The following LRCH1 variants were observed in gnomAD, a reference collection of about 807,000 sequenced individuals.
The protein encoded by LRCH1 is leucine rich repeats and calponin homology domain containing 1.
A neutral mutation model predicts 94.9 loss-of-function variants in LRCH1; 23 were observed. The observed-to-expected ratio is 0.24, with a 90% confidence interval of 0.17 to 0.34. LRCH1 has a LOEUF of 0.34. LRCH1 is among the 10% of genes least tolerant of loss of function. LRCH1 has a pLI of 1.00. For missense variants in LRCH1, 790 were observed against 945.9 expected, an observed-to-expected ratio of 0.84 and a Z score of 2.16; for synonymous variants, 364 against 354.9, an observed-to-expected ratio of 1.03 and a Z score of -0.29.
chr13:46,600,612 C>G (rs541512033), intron 1 of LRCH1, among the ~76,000 whole-genome samples: 7 of 120,900 alleles, frequency 5.8e-5, no homozygotes, highest in African/African-American at 2.4e-4. Flanking sequence ...ACATCCTGAC[C>G]AGATTTACAC....
intron 1 of LRCH1, among the ~76,000 whole-genome samples, chr13:46,595,852 G>T (rs2050555309): frequency 7.0e-6 from 1 of 143,498 alleles, no homozygotes; most frequent in Non-Finnish European, 1.5e-5. Flanking sequence ...GGAATCCAAA[G>T]CACGGCCTCA....
Position 46,553,580 on chromosome 13 carries a change from G to T in LRCH1, c.184G>T (p.Gly62Cys), listed in dbSNP as rs1418471352. The change falls in exon 1 of 20, where the codon GGT becomes TGT. Residue 62 changes from glycine (G) to cysteine (C), a missense_variant. By Grantham distance (159) the Gly-to-Cys change is radical. Transcript: ENST00000389797. ...SGGFNLPLNR[G>C]LERALEEAAN... is the part of the protein sequence containing the mutation. ...GGGCTTCAACCTGCCCTTGAACCGGGGTCTGGAGCGCGCGCTTGAGGAGGC... is the reference window on the plus strand; with the variant it reads ...GGGCTTCAACCTGCCCTTGAACCGGTGTCTGGAGCGCGCGCTTGAGGAGGC... 2 of 1,552,588 alleles carry T rather than the reference G, an allele frequency of 1.3e-6. No individual in the cohort carries two copies. The highest frequency in any genetic ancestry group is 1.4e-5 in the African/African-American group (1 of 73,088).
At chr13:46,728,703 ATAAT>A (rs1872950042) in intron 17 of LRCH1, 140 bp from the exon 18 acceptor site, 1 of 764,198 alleles carries the variant, frequency 1.3e-6, no homozygotes, top group Non-Finnish European at 1.9e-6. Flanking sequence ...AAAGAGTTAA[ATAAT>A]GTCAGTGTTT....
intron 1 of LRCH1, among the ~76,000 whole-genome samples, chr13:46,597,620 G>C (rs7330453): frequency 1.3e-5 from 2 of 151,952 alleles, no homozygotes; most frequent in African/African-American, 4.8e-5. Context: ...GCCTCCCAAA[G>C]TGCTGGGATT....
At chr13:46,582,370 CTTTTTTTTTTTT>C (rs10686269) in intron 1 of LRCH1, among the ~76,000 whole-genome samples, 41 of 79,592 alleles carry the variant, frequency 5.2e-4, no homozygotes, top group Non-Finnish European at 6.6e-4. Flanking sequence ...TTGCTCTCAT[CTTTTTTTTTTTT>C]TTTTTTTTTT....
intron 13 of LRCH1, among the ~76,000 whole-genome samples, chr13:46,710,134 T>A (rs1871982654): frequency 6.6e-6 from 1 of 152,076 alleles, no homozygotes; most frequent in Non-Finnish European, 1.5e-5. Context: ...TTTAGTGAAT[T>A]TTTTTTTAAT....
chr13:46,734,821 A>G (rs892348270), intron 19 of LRCH1, among the ~76,000 whole-genome samples: 5 of 152,212 alleles, frequency 3.3e-5, no homozygotes, highest in African/African-American at 1.2e-4. Flanking sequence ...CTTCTTTCTT[A>G]ATGCCCCAGG....
At chr13:46,723,169 C>T in intron 16 of LRCH1, 52 bp from the exon 17 acceptor site, 1 of 920,860 alleles carries the variant, frequency 1.1e-6, no homozygotes. Flanking sequence ...ATATGAATAG[C>T]CCTATGTGAC....
At chr13:46,703,550 G>A (rs923178124) in intron 11 of LRCH1, among the ~76,000 whole-genome samples, 14 of 152,254 alleles carry the variant, frequency 9.2e-5, no homozygotes, top group Non-Finnish European at 1.3e-4. Context: ...ACAAGAAGAC[G>A]TGAACAATTT....
At chr13:46,614,030 C>T (rs539293818) in intron 1 of LRCH1, among the ~76,000 whole-genome samples, 1 of 151,664 alleles carries the variant, frequency 6.6e-6, no homozygotes, top group South Asian at 2.1e-4. Flanking sequence ...AAGTATACAA[C>T]ATGATATTTG....
Position 46,741,741 on chromosome 13 carries a change from C to A in LRCH1, c.2185C>A (p.Pro729Thr). ...GGCACTCGGGGAGAAAGCCCCACCA[C>A]CAACTTCTGCCCTCCGCTCCAGGGA... ...LLALGEKAPP[P>T]TSALRSRDLI... is the part of the protein sequence containing the mutation. The change falls in exon 20 of 20, where the codon CCA becomes ACA. Residue 729 changes from proline (P) to threonine (T), a missense_variant. Transcript: ENST00000389797. 6.2e-7 allele frequency: 1 copy of A among 1,614,232 alleles called. No individual in the cohort carries two copies. Among genetic ancestry groups the A allele is most frequent in the East Asian group, 2.2e-5 (1 of 44,878 alleles).
intron 19 of LRCH1, among the ~76,000 whole-genome samples, chr13:46,737,607 C>T (rs1873447970): frequency 6.6e-6 from 1 of 152,194 alleles, no homozygotes; most frequent in South Asian, 2.1e-4. Flanking sequence ...TCAACTTGGT[C>T]TTGAAGACAG....
chr13:46,687,049 C>T (rs924762173), intron 5 of LRCH1, among the ~76,000 whole-genome samples: 8 of 144,432 alleles, frequency 5.5e-5, no homozygotes, highest in Non-Finnish European at 1.2e-4. Context: ...GCCTCTGCCT[C>T]CCAGGATCAA....
chr13:46,639,777 C>T lies in LRCH1; in HGVS notation c.308-10424C>T, dbSNP rs544971479. On this transcript the variant is annotated intron_variant, in intron 1 of 19. Transcript: ENST00000389797. ...AGCAGTGTTGTACCTGCCAGGAAGC[C>T]CTTTGGGCTCTTCTGCACCCTTGGG... is the stretch of plus-strand genomic sequence containing the variant. 2.6e-5 allele frequency among the ~76,000 whole-genome samples: 4 copies of T among 152,290 alleles called. No individual in the cohort carries two copies. The South Asian group carries it at 8.3e-4, about 32-fold the overall frequency.
At chr13:46,607,895 T>C (rs899172076) in intron 1 of LRCH1, among the ~76,000 whole-genome samples, 12 of 152,118 alleles carry the variant, frequency 7.9e-5, no homozygotes, top group Admixed American at 6.5e-5. Flanking sequence ...CAATGCTTAG[T>C]GGGGCTGTTC....
intron 1 of LRCH1, among the ~76,000 whole-genome samples, chr13:46,607,382 C>T (rs1386757269): frequency 1.3e-5 from 2 of 152,050 alleles, no homozygotes; most frequent in Non-Finnish European, 2.9e-5. Flanking sequence ...TAGAAGAGAC[C>T]TTTTTTTGTG....
chr13:46,696,073 CT>C (rs1397166104), intron 9 of LRCH1, among the ~76,000 whole-genome samples: 1 of 152,130 alleles, frequency 6.6e-6, no homozygotes, highest in Admixed American at 6.6e-5. Context: ...TTTCTGTCCC[CT>C]GTCTCCATTG....
rs1332295306 is a variant in LRCH1 at position 46,553,385 on chromosome 13, G to C, written c.-12G>C. 10 of 1,523,876 alleles carry C rather than the reference G, an allele frequency of 6.6e-6. No individual in the cohort carries two copies. Among genetic ancestry groups the C allele is most frequent in the Non-Finnish European group, 8.8e-6 (10 of 1,138,772 alleles). The allele number at this position is 1,523,876 out of a possible 1,614,324, so 94.4% of individuals were successfully genotyped here. ...AGGAGCGGCGGGGCGGGGTGGGGGGGCCCGGGAGAAGATGGCGACGCCGGG... is the reference window on the plus strand; with the variant it reads ...AGGAGCGGCGGGGCGGGGTGGGGGGCCCCGGGAGAAGATGGCGACGCCGGG... On this transcript the variant is annotated 5_prime_UTR_variant, in exon 1 of 20. Transcript: ENST00000389797.
At chr13:46,712,475 C>T in intron 14 of LRCH1, 50 bp from the exon 15 acceptor site, 1 of 1,365,336 alleles carries the variant, frequency 7.3e-7, no homozygotes, top group Non-Finnish European at 1.0e-6. Context: ...CATAGTTCTT[C>T]TGTTTTCCTT....
Sources: gnomAD v4.1 joint callset for allele counts (sites outside exome capture counted in the v4.1 genomes callset) on GRCh38, gnomAD v4.1.1 for gene constraint, MANE v1.5 for transcripts, NCBI Gene and HGNC (gene_info 2026-07-23, HGNC 2026-07-21) for gene names.